ELFN1: variants seen among roughly 807,000 people sequenced by gnomAD.
ELFN1 encodes protein ELFN1.
ELFN1 carries 6 observed loss-of-function variants against 7.6 expected under a neutral mutation model. The observed-to-expected ratio is 0.79, with a 90% CI of 0.43 to 1.56. The LOEUF (loss-of-function observed/expected upper bound fraction) is 1.56, where lower values mean the gene tolerates loss of function less well. Ranked by LOEUF, ELFN1 falls within the 40% of genes most tolerant of loss-of-function variation. The pLI is 0.01. For missense variants in ELFN1, 1,169 were observed against 1,232.2 expected (o/e 0.95, Z 0.77); for synonymous variants, 657 against 588.1 (o/e 1.12, Z -1.70).
At chr7:1,713,708 C>T (rs1469073237) in intron 3 of ELFN1, among the ~76,000 whole-genome samples, 1 of 152,062 alleles carries the variant, frequency 6.6e-6, no homozygotes, top group Non-Finnish European at 1.5e-5. Flanking sequence ...ACCCTCTCTG[C>T]AAGCCCCTTC....
intron 1 of ELFN1, among the ~76,000 whole-genome samples, chr7:1,675,104 G>T (rs1280007354): frequency 4.0e-5 from 3 of 74,412 alleles, no homozygotes; most frequent in Admixed American, 2.5e-4. Flanking sequence ...CCACGGCGTG[G>T]AGGTGAACCA....
At chr7:1,700,602 T>G (rs1447523723) in intron 2 of ELFN1, among the ~76,000 whole-genome samples, 1 of 152,228 alleles carries the variant, frequency 6.6e-6, no homozygotes, top group Non-Finnish European at 1.5e-5. Context: ...TTTGGGGCTG[T>G]GGTGAGCTCC....
In ELFN1 at chr7:1,745,956, G is replaced by T; in HGVS notation, c.1360G>T (p.Ala454Ser). 4.5e-6 allele frequency: 7 copies of T among 1,547,580 alleles called. No homozygotes were observed. Among genetic ancestry groups the T allele is most frequent in the East Asian group, 2.4e-5 (1 of 40,840 alleles). ...RRQEEKHKKA[A>S]SAAAAGSLKK... ...CCAGGAGGAGAAGCACAAGAAGGCC[G>T]CCTCGGCAGCCGCAGCTGGCAGCCT... Residue 454 changes from alanine to serine, a missense_variant, in exon 4 of 4, where the codon GCC becomes TCC. Physicochemically the swap from Ala to Ser is moderately conservative, Grantham distance 99. Around this residue, in one of 2 missense-constraint regions of ELFN1, gnomAD observed 914 missense variants for 872.6 expected, o/e 1.05. Transcript: ENST00000424383.
At chr7:1,701,184 G>A (rs1195233457) in intron 2 of ELFN1, among the ~76,000 whole-genome samples, 3 of 152,098 alleles carry the variant, frequency 2.0e-5, no homozygotes, top group Non-Finnish European at 4.4e-5. Context: ...GTGTATGTGT[G>A]CGTGTGTGTG....
Position 1,746,822 on chromosome 7 carries a change from G to C in ELFN1, c.2226G>C (p.Arg742=), listed in dbSNP as rs1172536313. 2.6e-6 allele frequency: 4 copies of C among 1,534,722 alleles called. No individual in the cohort carries two copies. Among genetic ancestry groups the C allele is most frequent in the Non-Finnish European group, 3.5e-6 (4 of 1,141,282 alleles). ...CGTCCATCCTGGAGCCACTCACCCG[G>C]CCGCGGCCCCGCGACCTCGCCTACT... The part of the protein sequence containing the change: ...RKASILEPLT[R]PRPRDLAYSQ... The change falls in exon 4 of 4, where the codon CGG becomes CGC. Residue 742 remains arginine (R), a synonymous_variant. Coordinates refer to ENST00000424383, the MANE Select transcript of ELFN1 (RefSeq NM_001128636.4).
rs536549176 is a variant in ELFN1 at position 1,676,030 on chromosome 7, G to A, written c.-549+5676G>A. On this transcript the variant is annotated intron_variant, in intron 1 of 3. Coordinates refer to ENST00000424383, the MANE Select transcript of ELFN1 (RefSeq NM_001128636.4). Reference sequence around the variant, plus strand: ...CCCCGCACTGGTCAGAGTGCTGACCGAGGGAGGCTGCCTGGGAGGGGGACT... The same window carrying A: ...CCCCGCACTGGTCAGAGTGCTGACCAAGGGAGGCTGCCTGGGAGGGGGACT... Among the ~76,000 whole-genome samples the A allele has an allele frequency of 1.5e-4, 23 of 152,338 alleles. No homozygotes were observed. The South Asian group carries it at 1.7e-3, about 11-fold the overall frequency.
intron 1 of ELFN1, among the ~76,000 whole-genome samples, chr7:1,686,616 CT>C (rs1220015517): frequency 6.6e-6 from 1 of 152,084 alleles, no homozygotes; most frequent in Non-Finnish European, 1.5e-5. Flanking sequence ...CCTACACATG[CT>C]GTTGATAGAT....
chr7:1,673,405 C>T lies in ELFN1; in HGVS notation c.-549+3051C>T, dbSNP rs1778805989. ...GCTGCTGCCTCCCTTCACCCCTGTG[C>T]ACCCTGAGCCAGTCAGTGGCACCGA... On this transcript the variant is annotated intron_variant, in intron 1 of 3. Transcript: ENST00000424383. This position sits in a 1 kb window ranked among gnomAD's most constrained non-coding sequence, Gnocchi z 4.7. 6.6e-6 allele frequency among the ~76,000 whole-genome samples: 1 copy of T among 152,172 alleles called. No homozygotes were observed. The highest frequency in any genetic ancestry group is 6.5e-5 in the Admixed American group (1 of 15,286).
At chr7:1,702,210 G>A (rs1779441736) in intron 2 of ELFN1, among the ~76,000 whole-genome samples, 1 of 152,162 alleles carries the variant, frequency 6.6e-6, no homozygotes, top group South Asian at 2.1e-4. Flanking sequence ...AAATGACAAG[G>A]TCAGGAGATT....
chr7:1,745,283 C>T lies in ELFN1; in HGVS notation c.687C>T (p.Tyr229=). Residue 229 remains tyrosine, a synonymous_variant, in exon 4 of 4, where the codon TAC becomes TAT. Coordinates refer to ENST00000424383, the MANE Select transcript of ELFN1 (RefSeq NM_001128636.4). ...AGTCGCCGCCCGTCTACTCCGGCTA[C>T]TACCTCCTGGGCCAGGGCCGCCGCG... The part of the protein sequence containing the change: ...QCESPPVYSG[Y]YLLGQGRRGH... 6.5e-7 allele frequency: 1 copy of T among 1,538,718 alleles called. No homozygotes were observed. Among genetic ancestry groups the T allele is most frequent in the Non-Finnish European group, 8.7e-7 (1 of 1,146,836 alleles).
At chr7:1,737,286 G>T (rs955884462) in intron 3 of ELFN1, among the ~76,000 whole-genome samples, 33 of 152,032 alleles carry the variant, frequency 2.2e-4, no homozygotes, top group Admixed American at 1.8e-3. Flanking sequence ...AAGTCCTTCA[G>T]GGGCCCCGTG....
chr7:1,740,722 C>A lies in ELFN1; in HGVS notation c.-293-3582C>A, dbSNP rs371588874. On this transcript the variant is annotated intron_variant, in intron 3 of 3. Coordinates refer to ENST00000424383, the MANE Select transcript of ELFN1 (RefSeq NM_001128636.4). This position sits in a 1 kb window ranked among gnomAD's most constrained non-coding sequence, Gnocchi z 5.0. The stretch of plus-strand genomic sequence containing the variant: ...CACAGCACCTGTCCAGCCTCTCCCC[C>A]CCGGCCCCTGACAGGAGGCTGCACA... Among the ~76,000 whole-genome samples, 645 of 152,324 alleles carry A rather than the reference C, an allele frequency of 4.2e-3. 4 individuals are homozygous for A. The highest frequency in any genetic ancestry group is 7.2e-3 in the Non-Finnish European group (488 of 68,028).
intron 3 of ELFN1, among the ~76,000 whole-genome samples, chr7:1,714,383 G>A (rs565505761): frequency 1.3e-5 from 2 of 152,240 alleles, no homozygotes; most frequent in African/African-American, 2.4e-5. Context: ...AGAGCTGTCC[G>A]TTCACCACCC....
chr7:1,702,744 T>G (rs545548192), intron 2 of ELFN1, among the ~76,000 whole-genome samples: 1 of 151,522 alleles, frequency 6.6e-6, no homozygotes, highest in African/African-American at 2.5e-5. Flanking sequence ...TTTATGTACA[T>G]AATCACATTG....
chr7:1,671,224 G>T (rs1384829352), intron 1 of ELFN1, among the ~76,000 whole-genome samples: 1 of 151,330 alleles, frequency 6.6e-6, no homozygotes, highest in Non-Finnish European at 1.5e-5. Flanking sequence ...GCTTTTCCAG[G>T]TCTCAGCTGT....
chr7:1,680,088 C>T (rs575747298), intron 1 of ELFN1, among the ~76,000 whole-genome samples: 1 of 152,332 alleles, frequency 6.6e-6, no homozygotes, highest in African/African-American at 2.4e-5. Flanking sequence ...ATTCATTCAC[C>T]TACCCAGTGG....
At chr7:1,742,949 C>T (rs573352766) in intron 3 of ELFN1, among the ~76,000 whole-genome samples, 1 of 152,370 alleles carries the variant, frequency 6.6e-6, no homozygotes, top group South Asian at 2.1e-4. Flanking sequence ...CCCGCCAGGC[C>T]ACGGCTCGGT....
intron 3 of ELFN1, among the ~76,000 whole-genome samples, chr7:1,734,304 T>A (rs538313591): frequency 1.3e-5 from 2 of 152,292 alleles, no homozygotes; most frequent in East Asian, 3.9e-4. Flanking sequence ...CCCACATCCC[T>A]GCCAGCGCCG....
Position 1,747,084 on chromosome 7 carries a change from G to T in ELFN1, c.*1G>T. 1 of 1,485,338 alleles carries T rather than the reference G, an allele frequency of 6.7e-7. No individual in the cohort carries two copies. The allele number at this position is 1,485,338 out of a possible 1,614,324, so 92.0% of individuals were successfully genotyped here. On this transcript the variant is annotated 3_prime_UTR_variant, in exon 4 of 4. Transcript: ENST00000424383. The stretch of plus-strand genomic sequence containing the variant: ...CGTGTCGGCCCAGCACAAGTCCTGA[G>T]CCCCCCAAGACCGGCGATGCCCACT...
Sources: gnomAD v4.1 joint callset for allele counts (sites outside exome capture counted in the v4.1 genomes callset) on GRCh38, gnomAD v4.1.1 for gene constraint, gnomAD v4.1.1 regional missense constraint, Gnocchi (gnomAD v3.1) non-coding constraint, MANE v1.5 for transcripts, NCBI Gene and HGNC (gene_info 2026-07-23, HGNC 2026-07-21) for gene names.